The following TBC1D22A variants were observed in gnomAD, a reference collection of about 807,000 sequenced individuals.
TBC1D22A encodes TBC1 domain family member 22A, also known as putative GTPase activator.
TBC1D22A carries 38 observed loss-of-function variants against 60.2 expected under a neutral mutation model. The observed-to-expected ratio is 0.63, with a 90% CI of 0.49 to 0.83. The LOEUF is 0.83. Among genes scored for constraint, TBC1D22A ranks in the 40% least tolerant of loss-of-function variants. TBC1D22A has a pLI of 0.00. For missense variants in TBC1D22A, 628 were observed against 701.0 expected (o/e 0.90, Z 1.18); for synonymous variants, 302 against 281.7 (o/e 1.07, Z -0.72).
chr22:47,105,510 G>C (rs1208830177), intron 11 of TBC1D22A, among the ~76,000 whole-genome samples: 1 of 152,162 alleles, frequency 6.6e-6, no homozygotes, highest in African/African-American at 2.4e-5. Context: ...CCTGGGGACT[G>C]TTTTGTTCAG....
At chr22:46,987,833 T>G (rs2074785379) in intron 9 of TBC1D22A, among the ~76,000 whole-genome samples, 1 of 152,112 alleles carries the variant, frequency 6.6e-6, no homozygotes, top group African/African-American at 2.4e-5. Context: ...GTCAGTGGAG[T>G]CTTCTTTTCC....
intron 11 of TBC1D22A, among the ~76,000 whole-genome samples, chr22:47,090,353 T>C (rs2064873048): frequency 6.7e-6 from 1 of 150,262 alleles, no homozygotes; most frequent in Non-Finnish European, 1.5e-5. Context: ...CGGGGCGTCT[T>C]GGAGGTGCAT....
At chr22:47,103,451 C>G (rs1185884904) in intron 11 of TBC1D22A, among the ~76,000 whole-genome samples, 1 of 152,160 alleles carries the variant, frequency 6.6e-6, no homozygotes, top group Admixed American at 6.5e-5. Flanking sequence ...CTAAGACAGC[C>G]AAGGCTGCAA....
intron 11 of TBC1D22A, among the ~76,000 whole-genome samples, chr22:47,039,327 C>T (rs2062759469): frequency 6.6e-6 from 1 of 151,998 alleles, no homozygotes; most frequent in Non-Finnish European, 1.5e-5. Flanking sequence ...TTTTACAGGG[C>T]CAAGTAACCA....
rs760670426 is a variant in TBC1D22A at position 46,934,753 on chromosome 22, C to A, written c.1015+22565C>A. ...TGGTTCAGTGCAGGGCAATGCGTGC[C>A]GCCCCCGCTCAGCGTTGCCTCGAGT... On this transcript the variant is annotated intron_variant, in intron 8 of 12. Transcript: ENST00000337137. 2.0e-5 allele frequency among the ~76,000 whole-genome samples: 3 copies of A among 152,078 alleles called. No homozygotes were observed. The East Asian group carries it at 5.8e-4, about 29-fold the overall frequency.
intron 12 of TBC1D22A, among the ~76,000 whole-genome samples, chr22:47,130,535 C>A (rs975496396): frequency 2.0e-5 from 3 of 152,328 alleles, no homozygotes; most frequent in African/African-American, 7.2e-5. Context: ...GCAGGCTTCG[C>A]GGGAATTTGC....
intron 8 of TBC1D22A, among the ~76,000 whole-genome samples, chr22:46,941,233 ACACAGT>A (rs1234158768): frequency 6.9e-6 from 1 of 145,640 alleles, no homozygotes; most frequent in African/African-American, 2.6e-5. Flanking sequence ...ACACACACAC[ACACAGT>A]CCACCCTTGA....
chr22:47,007,182 T>C (rs1807928506), intron 10 of TBC1D22A, among the ~76,000 whole-genome samples: 1 of 152,194 alleles, frequency 6.6e-6, no homozygotes, highest in South Asian at 2.1e-4. Context: ...CCTGGGTCCC[T>C]GAAGAGTTTT....
chr22:46,821,022 G>T (rs1202772397), intron 4 of TBC1D22A, among the ~76,000 whole-genome samples: 1 of 138,932 alleles, frequency 7.2e-6, no homozygotes, highest in Non-Finnish European at 1.6e-5. Flanking sequence ...TTTAAAGTCT[G>T]TTTTATCAGA....
At chr22:47,037,386 T>C (rs2062691814) in intron 11 of TBC1D22A, among the ~76,000 whole-genome samples, 188 bp downstream of exon 11, 1 of 152,120 alleles carries the variant, frequency 6.6e-6, no homozygotes, top group African/African-American at 2.4e-5. Context: ...TCCTAGCACT[T>C]TGGGAGGCCA....
chr22:47,071,044 T>C (rs2063967500), intron 11 of TBC1D22A, among the ~76,000 whole-genome samples: 1 of 152,270 alleles, frequency 6.6e-6, no homozygotes, highest in South Asian at 2.1e-4. Context: ...AAACATTTCA[T>C]AAGATTATTG....
intron 4 of TBC1D22A, among the ~76,000 whole-genome samples, chr22:46,872,009 G>T (rs768333741): frequency 6.6e-6 from 1 of 152,018 alleles, no homozygotes; most frequent in Non-Finnish European, 1.5e-5. Flanking sequence ...ACATTAAAAA[G>T]GTAATAAGGG....
At chr22:46,952,620 C>T (rs1443655817) in intron 8 of TBC1D22A, among the ~76,000 whole-genome samples, 1 of 152,192 alleles carries the variant, frequency 6.6e-6, no homozygotes. Flanking sequence ...CCCTTGTATC[C>T]ACCTGCCTCC....
intron 11 of TBC1D22A, among the ~76,000 whole-genome samples, chr22:47,110,813 CA>C (rs1343154566): frequency 1.3e-5 from 2 of 152,200 alleles, no homozygotes; most frequent in African/African-American, 4.8e-5. Flanking sequence ...ACCATAGCCC[CA>C]AGGTGTGCAA....
intron 5 of TBC1D22A, 139 bp downstream of exon 5, chr22:46,878,862 C>G (rs1016191606): frequency 6.3e-6 from 4 of 632,882 alleles, no homozygotes; most frequent in Non-Finnish European, 1.1e-5. Flanking sequence ...TTTGCTATGG[C>G]TAAGCTGACA....
chr22:46,854,335 G>A (rs1240471926), intron 4 of TBC1D22A, among the ~76,000 whole-genome samples: 2 of 152,226 alleles, frequency 1.3e-5, no homozygotes, highest in African/African-American at 4.8e-5. Context: ...ACCAGTGCAC[G>A]GCGCAGACAC....
intron 11 of TBC1D22A, among the ~76,000 whole-genome samples, chr22:47,087,948 C>A (rs1399307847): frequency 6.6e-6 from 1 of 152,046 alleles, no homozygotes; most frequent in African/African-American, 2.4e-5. Context: ...TGGCGGGCGC[C>A]TGTAGTTCCA....
chr22:46,852,057 A>G (rs1220248114), intron 4 of TBC1D22A, among the ~76,000 whole-genome samples: 1 of 152,142 alleles, frequency 6.6e-6, no homozygotes, highest in Non-Finnish European at 1.5e-5. Context: ...GGTGGGGCTC[A>G]GGGGCGCCGC....
At chr22:46,948,606 T>A (rs988289215) in intron 8 of TBC1D22A, among the ~76,000 whole-genome samples, 3 of 152,262 alleles carry the variant, frequency 2.0e-5, no homozygotes, top group African/African-American at 7.2e-5. Context: ...TGGCAATGGT[T>A]TGTGCTCAGC....
Sources: allele counts gnomAD v4.1 joint callset (sites outside exome capture counted in the v4.1 genomes callset), GRCh38; gene constraint gnomAD v4.1.1; transcripts MANE v1.5; gene names NCBI Gene and HGNC (gene_info 2026-07-23, HGNC 2026-07-21).